Variants in CACNB2 observed in about 807,000 individuals in gnomAD.
The protein encoded by CACNB2 is voltage-dependent L-type calcium channel subunit beta-2.
A neutral mutation model predicts 73.3 loss-of-function variants in CACNB2; 42 were observed. The ratio of observed to expected loss-of-function variants is 0.57; its 90% CI spans 0.45 to 0.74. The LOEUF (loss-of-function observed/expected upper bound fraction) is 0.74, where lower values mean the gene tolerates loss of function less well. Ranked by LOEUF, CACNB2 falls within the 30% of genes least tolerant of loss-of-function variation. The probability of loss-of-function intolerance (pLI) is 0.00; values close to 1 mark genes in which losing one functional copy is unlikely to be tolerated. For synonymous variants in CACNB2, 348 were observed against 310.3 expected (o/e 1.12, Z -1.28); for missense variants, 940 against 853.0 (o/e 1.10, Z -1.27).
rs201899870 is a variant in CACNB2, at chr10:18,184,649, GTTTTTTTTT to G, written c.213+33692_213+33700del. Reference sequence around the variant, plus strand: ...TGCCTGGGACAGTTTCTCAGACTTTGTTTTTTTTTTTTTTTTTTTTTTTTTTCAGTGTTG... The same window carrying G: ...TGCCTGGGACAGTTTCTCAGACTTTGTTTTTTTTTTTTTTTTTCAGTGTTG... On this transcript the variant is annotated intron_variant, in intron 2 of 13. Transcript: ENST00000324631. Among the ~76,000 whole-genome samples the G allele has an allele frequency of 5.1e-3, 447 of 87,774 alleles. 5 individuals are homozygous for G. Among genetic ancestry groups the G allele is most frequent in the East Asian group, 0.018 (57 of 3,142 alleles). 57.6% of individuals were successfully genotyped at this position (87,774 alleles called of 152,430 possible).
chr10:18,454,156 G>A (rs1451347662), intron 3 of CACNB2, among the ~76,000 whole-genome samples: 1 of 152,206 alleles, frequency 6.6e-6, no homozygotes. Context: ...AGAGTGATGG[G>A]TGCTTTGATG....
chr10:18,302,876 A>G (rs572641489), intron 2 of CACNB2, among the ~76,000 whole-genome samples: 1 of 152,348 alleles, frequency 6.6e-6, no homozygotes, highest in South Asian at 2.1e-4. Context: ...AAATAAAACT[A>G]AAATGCAAAT....
intron 2 of CACNB2, among the ~76,000 whole-genome samples, chr10:18,381,107 A>C (rs1314596110): frequency 1.3e-5 from 2 of 151,552 alleles, no homozygotes. Context: ...TGCAGAGACC[A>C]AGTCTCCAGA....
At chr10:18,433,198 T>C (rs1265670002) in intron 3 of CACNB2, among the ~76,000 whole-genome samples, 3 of 152,158 alleles carry the variant, frequency 2.0e-5, no homozygotes, top group Non-Finnish European at 4.4e-5. Context: ...CAGATAGATA[T>C]AGCAAGATGA....
At position 18,541,694 on chromosome 10, in the gene CACNB2, C is replaced by T. The variant is rs1375032816; in HGVS notation, c.*1970C>T. On this transcript the variant is annotated 3_prime_UTR_variant, in exon 14 of 14. Transcript: ENST00000324631. ...TGGCCAACGTGGCGAAACCCCGTCT[C>T]TACTAAAAAGATAAAAAATTAGCCA... 6.6e-6 allele frequency: 1 copy of T among 151,982 alleles called. No individual in the cohort carries two copies. The highest frequency in any genetic ancestry group is 2.4e-5 in the African/African-American group (1 of 41,348). 9.4% of individuals were successfully genotyped at this position (151,982 alleles called of 1,614,324 possible).
rs115036604 is a variant in CACNB2 at position 18,334,316 on chromosome 10, C to T, written c.214-67608C>T. On this transcript the variant is annotated intron_variant, in intron 2 of 13. Coordinates refer to ENST00000324631, the MANE Select transcript of CACNB2 (RefSeq NM_201596.3). ...CCCAGCTACTCCAGTGGCGTCTGTG[C>T]GCTTCTCCCAGAATCACAGAATAAC... Among the ~76,000 whole-genome samples the T allele has an allele frequency of 2.3e-3, 352 of 152,198 alleles. 3 individuals carry two copies. The highest frequency in any genetic ancestry group is 7.9e-3 in the African/African-American group (327 of 41,528).
intron 9 of CACNB2, among the ~76,000 whole-genome samples, chr10:18,526,479 T>C (rs1589694193): frequency 6.6e-6 from 1 of 152,208 alleles, no homozygotes; most frequent in South Asian, 2.1e-4. Context: ...TGGAGGGCTG[T>C]AACTGAAACA....
At chr10:18,483,570 A>G (rs117057316) in intron 3 of CACNB2, among the ~76,000 whole-genome samples, 3,285 of 151,914 alleles carry the variant, frequency 0.022, 40 homozygotes, top group Non-Finnish European at 0.023. Flanking sequence ...AAACCAAAAC[A>G]TGAGTATAAA....
At chr10:18,506,597 C>G (rs751838167) in intron 6 of CACNB2, 50 bp downstream of exon 6, 1 of 1,147,192 alleles carries the variant, frequency 8.7e-7, no homozygotes, top group Non-Finnish European at 1.3e-6. Context: ...TCATGCTTTC[C>G]CCAGCTCTAT....
At chr10:18,187,354 A>C (rs1257780192) in intron 2 of CACNB2, among the ~76,000 whole-genome samples, 1 of 152,228 alleles carries the variant, frequency 6.6e-6, no homozygotes, top group African/African-American at 2.4e-5. Context: ...AAGCCCATCC[A>C]ATTGACCTGC....
Position 18,188,821 on chromosome 10 carries a change from A to C in CACNB2, c.213+37846A>C, listed in dbSNP as rs115822200. Among the ~76,000 whole-genome samples, 482 of 152,302 alleles carry C rather than the reference A, an allele frequency of 3.2e-3. 2 individuals carry two copies. The highest frequency in any genetic ancestry group is 0.011 in the African/African-American group (465 of 41,566). ...TAGTATAGAAAAAAAAGACAATTAT[A>C]TAGTGAGATCACCACTGTTAAGACT... On this transcript the variant is annotated intron_variant, in intron 2 of 13. Transcript: ENST00000324631.
chr10:18,536,055 C>T (rs1800653394), intron 11 of CACNB2, 46 bp from the exon 12 acceptor site: 1 of 1,156,780 alleles, frequency 8.6e-7, no homozygotes, highest in Non-Finnish European at 1.3e-6. Context: ...TTGTACTTTA[C>T]CTGGATGTAG....
intron 2 of CACNB2, among the ~76,000 whole-genome samples, chr10:18,248,450 C>T (rs2036954130): frequency 6.6e-6 from 1 of 152,140 alleles, no homozygotes; most frequent in Non-Finnish European, 1.5e-5. Flanking sequence ...CCAAGTTCTA[C>T]TATTTCTGAT....
chr10:18,277,736 A>G (rs374051763), intron 2 of CACNB2, among the ~76,000 whole-genome samples: 3 of 152,224 alleles, frequency 2.0e-5, no homozygotes, highest in South Asian at 2.1e-4. Flanking sequence ...CTCAGACACT[A>G]TGTTATTCTT....
intron 3 of CACNB2, among the ~76,000 whole-genome samples, chr10:18,421,590 G>T (rs141657163): frequency 6.6e-6 from 1 of 152,090 alleles, no homozygotes; most frequent in Admixed American, 6.6e-5. Flanking sequence ...CTGAGCCACC[G>T]TGCCTGGCCC....
intron 2 of CACNB2, among the ~76,000 whole-genome samples, chr10:18,316,500 G>A (rs1452782264): frequency 6.9e-6 from 1 of 144,582 alleles, no homozygotes; most frequent in Non-Finnish European, 1.5e-5. Context: ...GTCTCGCACT[G>A]TCACCCAGGC....
At chr10:18,321,463 G>A (rs546246788) in intron 2 of CACNB2, among the ~76,000 whole-genome samples, 2 of 152,156 alleles carry the variant, frequency 1.3e-5, no homozygotes, top group Non-Finnish European at 2.9e-5. Context: ...AAGACCTACT[G>A]TTTGACAGCA....
chr10:18,487,880 A>G (rs1273615301), intron 3 of CACNB2, among the ~76,000 whole-genome samples: 1 of 151,746 alleles, frequency 6.6e-6, no homozygotes, highest in Non-Finnish European at 1.5e-5. Flanking sequence ...ACATGGTCTC[A>G]TAGTTTATAA....
chr10:18,252,918 A>G (rs1346078849), intron 2 of CACNB2, among the ~76,000 whole-genome samples: 1 of 152,222 alleles, frequency 6.6e-6, no homozygotes, highest in Non-Finnish European at 1.5e-5. Context: ...GTATGACTGG[A>G]TTGGTTAATT....
Sources: gnomAD v4.1 joint callset for allele counts (sites outside exome capture counted in the v4.1 genomes callset) on GRCh38, gnomAD v4.1.1 for gene constraint, MANE v1.5 for transcripts, NCBI Gene and HGNC (gene_info 2026-07-23, HGNC 2026-07-21) for gene names.